The following DPPA4 variants were observed in gnomAD, a reference collection of about 807,000 sequenced individuals.
DPPA4 encodes developmental pluripotency associated 4.
A neutral mutation model predicts 33.7 loss-of-function variants in DPPA4; 22 were observed. That is an observed-to-expected ratio of 0.65 (90% CI 0.47 to 0.93). The LOEUF is 0.93. Ranked by LOEUF, DPPA4 falls within the 40% of genes least tolerant of loss-of-function variation. The probability of loss-of-function intolerance (pLI) is 0.00; values close to 1 mark genes in which losing one functional copy is unlikely to be tolerated. For missense variants in DPPA4, 340 were observed against 358.6 expected (o/e 0.95, Z 0.42); for synonymous variants, 156 against 132.3 (o/e 1.18, Z -1.23).
Position 109,330,534 on chromosome 3 carries a change from T to C in DPPA4, c.669A>G (p.Gln223=), listed in dbSNP as rs367909790. 6.2e-6 allele frequency: 10 copies of C among 1,613,492 alleles called. No individual in the cohort carries two copies. The highest frequency in any genetic ancestry group is 3.3e-4 in the Middle Eastern group (2 of 6,072). The change falls in exon 5 of 7, where the codon CAA becomes CAG. Residue 223 remains glutamine, a synonymous_variant. Coordinates refer to ENST00000335658, the MANE Select transcript of DPPA4 (RefSeq NM_018189.4). ...ARTPEAVESP[Q]EASGVRWCVV... ...TCATGTTGCGCTTACCAGAGGCCTC[T>C]TGTGGAGATTCCACTGCCTCTGGTG... is the stretch of plus-strand genomic sequence containing the variant.
intron 4 of DPPA4, 61 bp from the exon 5 acceptor site, chr3:109,330,873 C>CTCAGGGT: frequency 6.9e-7 from 1 of 1,447,058 alleles, no homozygotes; most frequent in Non-Finnish European, 9.3e-7. Flanking sequence ...CAAAAATGGC[C>CTCAGGGT]TAAGGAGCTC....
At chr3:109,330,398 T>G (rs750566736) in intron 5 of DPPA4, 126 bp downstream of exon 5, 34 of 1,019,674 alleles carry the variant, frequency 3.3e-5, no homozygotes, top group Admixed American at 3.8e-5. Flanking sequence ...AGAAACTCTG[T>G]GGGCAGGGTC....
chr3:109,338,008 AG>A (rs1185235002), upstream of DPPA4, among the ~76,000 whole-genome samples: 11 of 152,332 alleles, frequency 7.2e-5, no homozygotes, highest in South Asian at 2.3e-3. Flanking sequence ...CTAAAACTCC[AG>A]GTTTCTCTGT....
In DPPA4 at chr3:109,332,043, T is replaced by G. The variant is rs760489019; in HGVS notation, c.179-12A>C. 6.4e-7 allele frequency: 1 copy of G among 1,573,816 alleles called. No individual in the cohort carries two copies. Among genetic ancestry groups the G allele is most frequent in the South Asian group, 1.1e-5 (1 of 87,596 alleles). On this transcript the variant is annotated splice_polypyrimidine_tract_variant and intron_variant, in intron 2 of 6. Coordinates refer to ENST00000335658, the MANE Select transcript of DPPA4 (RefSeq NM_018189.4). The stretch of plus-strand genomic sequence containing the variant: ...CTTAGGGCAGAGCACTGAAGCAGAA[T>G]GGAATCAAATGAGTAGTAATTATCT...
chr3:109,329,632 A>G (rs1383969609), intron 5 of DPPA4: 2 of 155,992 alleles, frequency 1.3e-5, no homozygotes, highest in African/African-American at 2.4e-5. Flanking sequence ...GATGGTAGAA[A>G]GACTAACCCA....
At chr3:109,335,343 C>A (rs1422193530) in intron 1 of DPPA4, among the ~76,000 whole-genome samples, 1 of 152,128 alleles carries the variant, frequency 6.6e-6, no homozygotes, top group Non-Finnish European at 1.5e-5. Context: ...CCCCACTGAT[C>A]TCAATCTTCT....
Position 109,329,106 on chromosome 3 carries a change from A to T in DPPA4, c.680-18T>A. ...CCTGACACCTGGCAATGGCAAAGGAAAGAGACAGGTACCCGCACACCAGGA... is the reference window on the plus strand; with the variant it reads ...CCTGACACCTGGCAATGGCAAAGGATAGAGACAGGTACCCGCACACCAGGA... On this transcript the variant is annotated intron_variant, in intron 5 of 6. Transcript: ENST00000335658. 1.2e-6 allele frequency: 2 copies of T among 1,611,554 alleles called. No individual in the cohort carries two copies. The highest frequency in any genetic ancestry group is 1.7e-6 in the Non-Finnish European group (2 of 1,178,002).
At chr3:109,335,264 G>C (rs1242064618) in intron 1 of DPPA4, among the ~76,000 whole-genome samples, 2 of 152,130 alleles carry the variant, frequency 1.3e-5, no homozygotes, top group Admixed American at 6.6e-5. Flanking sequence ...GTGATCTTTT[G>C]CCTCAGCCTC....
rs888942246 is a variant in DPPA4, at chr3:109,328,994, T to G, written c.774A>C (p.Pro258=). The G allele has an allele frequency of 8.1e-6, 13 of 1,614,128 alleles. No homozygotes were observed. The highest frequency in any genetic ancestry group is 1.1e-5 in the Non-Finnish European group (13 of 1,180,020). The part of the protein sequence containing the change: ...LQFHAGQAWV[P]EKQEGRVSAL... ...CACTCACTCTCCCTTCTTGCTTTTC[T>G]GGAACCCAGGCTTGACCAGCATGAA... Residue 258 remains proline (P), a synonymous_variant, in exon 6 of 7, where the codon CCA becomes CCC. Transcript: ENST00000335658.
chr3:109,328,792 G>GA, intron 6 of DPPA4, 98 bp downstream of exon 6: 3 of 1,105,748 alleles, frequency 2.7e-6, no homozygotes, highest in Non-Finnish European at 3.9e-6. Context: ...ATTTGAGCTT[G>GA]AAATACCTGG....
chr3:109,328,932 G>T lies in DPPA4; in HGVS notation c.836C>A (p.Pro279Gln). ...FLLPASNFPP[P>Q]HLEDNMLCPK... is the part of the protein sequence containing the mutation. Reference sequence around the variant, plus strand: ...GCACAACATATTGTCTTCAAGGTGCGGGGGTGGAAAATTGGAGGCAGGAAG... The same window carrying T: ...GCACAACATATTGTCTTCAAGGTGCTGGGGTGGAAAATTGGAGGCAGGAAG... Residue 279 changes from proline to glutamine, a missense_variant, in exon 6 of 7, where the codon CCG becomes CAG. By Grantham distance (76) the Pro-to-Gln change is moderately conservative. Coordinates refer to ENST00000335658, the MANE Select transcript of DPPA4 (RefSeq NM_018189.4). 1 of 1,614,020 alleles carries T rather than the reference G, an allele frequency of 6.2e-7. No individual in the cohort carries two copies. The highest frequency in any genetic ancestry group is 8.5e-7 in the Non-Finnish European group (1 of 1,179,976).
Sources: gnomAD v4.1 joint callset for allele counts (sites outside exome capture counted in the v4.1 genomes callset) on GRCh38, gnomAD v4.1.1 for gene constraint, MANE v1.5 for transcripts, NCBI Gene and HGNC (gene_info 2026-07-23, HGNC 2026-07-21) for gene names.